TGFBRAP1: variants seen among roughly 807,000 people sequenced by gnomAD.
TGFBRAP1 encodes transforming growth factor-beta receptor-associated protein 1.
Under a neutral mutation model 83.2 loss-of-function variants are expected in TGFBRAP1, and 20 were observed. That is an observed-to-expected ratio of 0.24 (90% CI 0.17 to 0.35). The LOEUF (loss-of-function observed/expected upper bound fraction) is 0.35, where lower values mean the gene tolerates loss of function less well. TGFBRAP1 is among the 10% of genes least tolerant of loss of function. The pLI is 1.00. For synonymous variants in TGFBRAP1, 415 were observed against 459.8 expected, an observed-to-expected ratio of 0.90 and a Z score of 1.25; for missense variants, 950 against 1,099.4, an observed-to-expected ratio of 0.86 and a Z score of 1.92.
chr2:105,297,912 C>T (rs1678138213), intron 3 of TGFBRAP1, among the ~76,000 whole-genome samples: 1 of 152,190 alleles, frequency 6.6e-6, no homozygotes. Flanking sequence ...TACCACTTTT[C>T]GGTCTGCTTC....
chr2:105,316,507 T>G (rs1678881950), intron 1 of TGFBRAP1, among the ~76,000 whole-genome samples: 1 of 146,814 alleles, frequency 6.8e-6, no homozygotes, highest in Non-Finnish European at 1.5e-5. Flanking sequence ...AAAAGCAGAT[T>G]CTAAAATTCA....
At chr2:105,300,643 G>A (rs1573198050) in intron 2 of TGFBRAP1, among the ~76,000 whole-genome samples, 2 of 152,054 alleles carry the variant, frequency 1.3e-5, no homozygotes, top group Admixed American at 1.3e-4. Flanking sequence ...CGCCACGTTG[G>A]CCAGGCTGGT....
chr2:105,295,844 G>A (rs1311245223), intron 4 of TGFBRAP1, among the ~76,000 whole-genome samples: 1 of 148,788 alleles, frequency 6.7e-6, no homozygotes, highest in Non-Finnish European at 1.5e-5. Flanking sequence ...TTCTCCTAAG[G>A]AAATCAACTA....
rs67017916 is a variant in TGFBRAP1, at chr2:105,306,061, G to GTT, written c.688+1551_688+1552dup. Reference sequence around the variant, plus strand: ...GGAGTTTTCTGGTTTTTTGTTTTTTGTTTTTTGTTTTTTTTTTTTTGAGAC... The same window carrying GTT: ...GGAGTTTTCTGGTTTTTTGTTTTTTGTTTTTTTTGTTTTTTTTTTTTTGAGAC... On this transcript the variant is annotated intron_variant, in intron 2 of 11. Coordinates refer to ENST00000393359, the MANE Select transcript of TGFBRAP1 (RefSeq NM_004257.6). Among the ~76,000 whole-genome samples the GTT allele has an allele frequency of 9.5e-3, 711 of 74,820 alleles. 27 individuals are homozygous for GTT. The highest frequency in any genetic ancestry group is 0.032 in the African/African-American group (675 of 21,258). 49.1% of individuals were successfully genotyped at this position (74,820 alleles called of 152,430 possible).
rs548900538 is a variant in TGFBRAP1 at position 105,280,398 on chromosome 2, G to C, written c.1447C>G (p.Leu483Val). ...FCLLTDSAAWLEKHKKYFALG... is the reference protein window; with the variant it reads ...FCLLTDSAAWVEKHKKYFALG... ...AACACTCACTTTTTGTGCTTCTCTAGCCAGGCAGCACTGTCCGTCAGAAGA... is the reference window on the plus strand; with the variant it reads ...AACACTCACTTTTTGTGCTTCTCTACCCAGGCAGCACTGTCCGTCAGAAGA... Residue 483 changes from leucine (L) to valine (V), a missense_variant, in exon 6 of 12, where the codon CTA becomes GTA. Coordinates refer to ENST00000393359, the MANE Select transcript of TGFBRAP1 (RefSeq NM_004257.6). 1 of 1,613,670 alleles carries C rather than the reference G, an allele frequency of 6.2e-7. No homozygotes were observed. Among genetic ancestry groups the C allele is most frequent in the Non-Finnish European group, 8.5e-7 (1 of 1,179,826 alleles).
chr2:105,283,218 A>G (rs1360963342), intron 5 of TGFBRAP1, among the ~76,000 whole-genome samples: 10 of 152,246 alleles, frequency 6.6e-5, no homozygotes, highest in African/African-American at 2.4e-4. Flanking sequence ...GTTGTACAAG[A>G]AAAAGTTATA....
intron 2 of TGFBRAP1, among the ~76,000 whole-genome samples, chr2:105,302,009 T>TAAAAAAAAAAAAAAAAAAAAAAA (rs35548542): frequency 4.0e-5 from 3 of 75,090 alleles, no homozygotes; most frequent in Non-Finnish European, 7.7e-5. Flanking sequence ...TAAAGAATAC[T>TAAAAAAAAAAAAAAAAAAAAAAA]AAAAAAAAAA....
intron 2 of TGFBRAP1, among the ~76,000 whole-genome samples, chr2:105,299,238 G>A (rs902833917): frequency 5.9e-5 from 9 of 152,112 alleles, no homozygotes; most frequent in African/African-American, 1.7e-4. Context: ...CCGTGATCAC[G>A]CCACTGTACT....
intron 10 of TGFBRAP1, 53 bp downstream of exon 10, chr2:105,272,802 C>G: frequency 1.3e-6 from 2 of 1,598,720 alleles, no homozygotes; most frequent in East Asian, 2.2e-5. Context: ...CTTCCTCCCA[C>G]CCGCTTGATA....
chr2:105,273,215 A>C (rs1275926406), intron 9 of TGFBRAP1, among the ~76,000 whole-genome samples: 6 of 152,014 alleles, frequency 3.9e-5, no homozygotes, highest in Admixed American at 3.9e-4. Context: ...ACAAAATGTC[A>C]CCTCTTATTT....
chr2:105,295,860 G>T (rs376429072), intron 4 of TGFBRAP1, among the ~76,000 whole-genome samples: 1 of 151,682 alleles, frequency 6.6e-6, no homozygotes, highest in South Asian at 2.1e-4. Flanking sequence ...AACTAGATGG[G>T]GTTCCTACAA....
the TGFBRAP1 span, among the ~76,000 whole-genome samples, chr2:105,252,204 G>C: frequency 6.6e-6 from 1 of 152,078 alleles, no homozygotes. Context: ...GCATTTTTGC[G>C]GTGGTCTCAT....
Position 105,298,530 on chromosome 2 carries a change from A to G in TGFBRAP1, c.864T>C (p.His288=), listed in dbSNP as rs780989424. ...GAGTACCTTCAAAGTCCTGTAGGAT[A>G]TGGCCCTCCTTAAAGGGCAGCGTCT... is the stretch of plus-strand genomic sequence containing the variant. ...QKQTLPFKEG[H]ILQDFEGRVI... The change falls in exon 3 of 12, where the codon CAT becomes CAC. Residue 288 remains histidine, a synonymous_variant. Transcript: ENST00000393359. The G allele has an allele frequency of 4.8e-5, 77 of 1,607,070 alleles. No homozygotes were observed. The highest frequency in any genetic ancestry group is 6.6e-5 in the Non-Finnish European group (77 of 1,175,236).
chr2:105,262,938 C>A (rs1676824468), downstream of TGFBRAP1, among the ~76,000 whole-genome samples: 2 of 152,356 alleles, frequency 1.3e-5, no homozygotes, highest in African/African-American at 4.8e-5. Flanking sequence ...GGTCTAGATT[C>A]TTGTACAATT....
chr2:105,296,632 A>C (rs142367199), intron 3 of TGFBRAP1, 122 bp from the exon 4 acceptor site: 626 of 1,105,798 alleles, frequency 5.7e-4, no homozygotes, highest in Non-Finnish European at 7.3e-4. Flanking sequence ...AGTTTTCTCA[A>C]AGGAATTCCT....
At chr2:105,280,775 T>C (rs769833847) in intron 5 of TGFBRAP1, 52 bp from the exon 6 acceptor site, 5 of 1,541,056 alleles carry the variant, frequency 3.2e-6, no homozygotes, top group South Asian at 1.2e-5. Flanking sequence ...AGAGTACACA[T>C]AGGCACACAA....
At chr2:105,314,765 A>G (rs1002646504) in intron 1 of TGFBRAP1, among the ~76,000 whole-genome samples, 7 of 151,740 alleles carry the variant, frequency 4.6e-5, no homozygotes, top group Admixed American at 1.3e-4. Flanking sequence ...TCTAGCCAAC[A>G]TGGTGAAACC....
At chr2:105,278,076 G>A (rs1677411474) in intron 6 of TGFBRAP1, among the ~76,000 whole-genome samples, 5 of 35,232 alleles carry the variant, frequency 1.4e-4, no homozygotes, top group Non-Finnish European at 4.7e-4. Flanking sequence ...ATATGTGTGT[G>A]TGTGTGTGTG....
intron 1 of TGFBRAP1, among the ~76,000 whole-genome samples, chr2:105,324,707 G>C (rs1320946705): frequency 6.6e-6 from 1 of 152,148 alleles, no homozygotes; most frequent in South Asian, 2.1e-4. Context: ...GGGTTGGGGT[G>C]AATGTGAGCT....
Sources: allele counts gnomAD v4.1 joint callset (sites outside exome capture counted in the v4.1 genomes callset), GRCh38; gene constraint gnomAD v4.1.1; transcripts MANE v1.5; gene names NCBI Gene and HGNC (gene_info 2026-07-23, HGNC 2026-07-21).